The following RAD51B variants were observed in gnomAD, a reference collection of about 807,000 sequenced individuals.
The protein encoded by RAD51B is DNA repair protein RAD51 homolog 2.
A neutral mutation model predicts 42.2 loss-of-function variants in RAD51B; 38 were observed. The observed-to-expected ratio is 0.90, with a 90% confidence interval of 0.70 to 1.18. RAD51B has a LOEUF of 1.18. Ranked by LOEUF, RAD51B falls within the 50% of genes most tolerant of loss-of-function variation. The pLI is 0.00. For synonymous variants in RAD51B, 154 were observed against 145.2 expected (o/e 1.06, Z -0.43); for missense variants, 373 against 400.7 (o/e 0.93, Z 0.59).
At chr14:68,523,080 G>T (rs1308746210) in intron 10 of RAD51B, among the ~76,000 whole-genome samples, 2 of 152,156 alleles carry the variant, frequency 1.3e-5, no homozygotes, top group Non-Finnish European at 2.9e-5. Flanking sequence ...CTTTTGTTTT[G>T]GTGTACATAT....
chr14:68,578,139 G>A (rs907106753), intron 10 of RAD51B, among the ~76,000 whole-genome samples: 7 of 152,214 alleles, frequency 4.6e-5, no homozygotes, highest in South Asian at 2.1e-4. Flanking sequence ...GATAAAGAAC[G>A]TAATGGCTGG....
At chr14:68,476,045 GAAAA>G (rs35479070) in intron 10 of RAD51B, among the ~76,000 whole-genome samples, 1 of 127,686 alleles carries the variant, frequency 7.8e-6, no homozygotes. Context: ...ATATAAGGCT[GAAAA>G]AAAAAAAAAA....
intron 7 of RAD51B, among the ~76,000 whole-genome samples, chr14:68,080,562 A>T (rs2076897346): frequency 6.6e-6 from 1 of 152,188 alleles, no homozygotes; most frequent in Admixed American, 6.5e-5. Context: ...TCAGTTTCCA[A>T]GGTGTTAAAG....
intron 1 of RAD51B, among the ~76,000 whole-genome samples, chr14:67,821,554 C>A (rs2040628523): frequency 6.6e-6 from 1 of 152,172 alleles, no homozygotes; most frequent in South Asian, 2.1e-4. Flanking sequence ...ACCTCCTGGG[C>A]TCAGGTGATC....
chr14:68,071,396 T>C (rs2076737836), intron 7 of RAD51B, among the ~76,000 whole-genome samples: 1 of 152,160 alleles, frequency 6.6e-6, no homozygotes, highest in South Asian at 2.1e-4. Context: ...ATGTTGGATG[T>C]GGATTTGTTG....
chr14:68,463,790 T>A (rs2107339), intron 9 of RAD51B, among the ~76,000 whole-genome samples: 2,228 of 152,292 alleles, frequency 0.015, 57 homozygotes, highest in African/African-American at 0.051. Flanking sequence ...CTAACCACCT[T>A]CTTGTTTGTC....
At chr14:67,963,078 C>A (rs1433249931) in intron 7 of RAD51B, among the ~76,000 whole-genome samples, 1 of 152,044 alleles carries the variant, frequency 6.6e-6, no homozygotes, top group Non-Finnish European at 1.5e-5. Flanking sequence ...TTTAAAATTT[C>A]TTCAGTTTCA....
chr14:68,348,561 T>C (rs959944427), intron 8 of RAD51B, among the ~76,000 whole-genome samples: 3 of 152,262 alleles, frequency 2.0e-5, no homozygotes, highest in African/African-American at 7.2e-5. Context: ...ATAGGCATAA[T>C]GCATATGTTT....
chr14:68,125,915 T>G (rs969743444), intron 7 of RAD51B, among the ~76,000 whole-genome samples: 2 of 152,150 alleles, frequency 1.3e-5, no homozygotes, highest in Non-Finnish European at 2.9e-5. Context: ...CAACGTCCCA[T>G]AGGATCACAT....
Position 68,102,862 on chromosome 14 carries a change from A to G in RAD51B, c.757-189022A>G, listed in dbSNP as rs117435097. Among the ~76,000 whole-genome samples the G allele has an allele frequency of 1.1e-3, 165 of 152,318 alleles. 4 individuals carry two copies. In the East Asian group the frequency reaches 0.028, roughly 26 times the overall value. On this transcript the variant is annotated intron_variant, in intron 7 of 10. Transcript: ENST00000471583. Reference sequence around the variant, plus strand: ...AGACACACCCAAGAGTGGGTAATTTATGAAGGAAAGAGGTTTAGTTGACTC... The same window carrying G: ...AGACACACCCAAGAGTGGGTAATTTGTGAAGGAAAGAGGTTTAGTTGACTC...
intron 10 of RAD51B, among the ~76,000 whole-genome samples, chr14:68,476,779 A>G (rs572213126): frequency 4.6e-5 from 7 of 152,318 alleles, no homozygotes; most frequent in African/African-American, 1.4e-4. Context: ...CGACAAATAG[A>G]GGAGCTTTTG....
At chr14:67,934,252 T>A (rs531941370) in intron 7 of RAD51B, among the ~76,000 whole-genome samples, 4 of 152,298 alleles carry the variant, frequency 2.6e-5, no homozygotes, top group African/African-American at 9.6e-5. Context: ...GCAAAGCAAT[T>A]GCCTGTGAGA....
intron 10 of RAD51B, among the ~76,000 whole-genome samples, chr14:68,552,129 C>A (rs892525676): frequency 6.6e-6 from 1 of 152,214 alleles, no homozygotes; most frequent in Non-Finnish European, 1.5e-5. Flanking sequence ...CCAGGAGATA[C>A]AGTAACCCTG....
intron 4 of RAD51B, among the ~76,000 whole-genome samples, chr14:67,850,692 G>A (rs1299816266): frequency 6.6e-6 from 1 of 152,074 alleles, no homozygotes; most frequent in Admixed American, 6.5e-5. Flanking sequence ...TGGATAACCT[G>A]GCTTGTCCAC....
At chr14:68,129,779 G>A (rs1566667624) in intron 7 of RAD51B, among the ~76,000 whole-genome samples, 2 of 152,170 alleles carry the variant, frequency 1.3e-5, no homozygotes, top group South Asian at 4.1e-4. Context: ...TGGAGGCCTT[G>A]TTAAAGTACC....
chr14:68,539,635 G>A (rs1370132964), intron 10 of RAD51B, among the ~76,000 whole-genome samples: 1 of 152,210 alleles, frequency 6.6e-6, no homozygotes, highest in Non-Finnish European at 1.5e-5. Context: ...GGCAGGGCAA[G>A]GCCCCAGCAT....
intron 9 of RAD51B, among the ~76,000 whole-genome samples, chr14:68,466,395 T>C (rs2085987647): frequency 6.6e-6 from 1 of 152,252 alleles, no homozygotes; most frequent in African/African-American, 2.4e-5. Flanking sequence ...GTGGGGAAAC[T>C]GAGACTTAAC....
chr14:68,387,953 G>T (rs2083637001), intron 8 of RAD51B, among the ~76,000 whole-genome samples: 1 of 151,330 alleles, frequency 6.6e-6, no homozygotes, highest in Non-Finnish European at 1.5e-5. Context: ...ATAATGTTTT[G>T]GATATATTGT....
At chr14:67,988,316 G>A (rs1303348665) in intron 7 of RAD51B, among the ~76,000 whole-genome samples, 2 of 152,000 alleles carry the variant, frequency 1.3e-5, no homozygotes, top group Non-Finnish European at 2.9e-5. Context: ...AAAATTAGCC[G>A]GGTGTGGTGG....
Sources: allele counts gnomAD v4.1 joint callset (sites outside exome capture counted in the v4.1 genomes callset), GRCh38; gene constraint gnomAD v4.1.1; transcripts MANE v1.5; gene names NCBI Gene and HGNC (gene_info 2026-07-23, HGNC 2026-07-21).